Variants in MTMR3 observed in about 807,000 individuals in gnomAD.
The protein encoded by MTMR3 is phosphatidylinositol-3,5-bisphosphate 3-phosphatase MTMR3.
In MTMR3, 32 loss-of-function variants were observed where a neutral mutation model predicts 132.4. That is an observed-to-expected ratio of 0.24 (90% CI 0.18 to 0.32). MTMR3 has a LOEUF of 0.32. Ranked by LOEUF, MTMR3 falls within the 10% of genes least tolerant of loss-of-function variation. MTMR3 has a pLI of 1.00. For missense variants in MTMR3, 1,216 were observed against 1,489.6 expected (o/e 0.82, Z 3.02); for synonymous variants, 556 against 550.3 (o/e 1.01, Z -0.14).
rs1263608270 is a variant in MTMR3, at chr22:30,029,303, A to G, written c.*3502A>G. The G allele has an allele frequency of 6.6e-6, 1 of 152,346 alleles. No individual in the cohort carries two copies. 9.4% of individuals were successfully genotyped at this position (152,346 alleles called of 1,614,324 possible). A position where few individuals can be genotyped will look rare whatever the true frequency, so the allele number is the denominator to read the frequency against. ...CTTTCTTCTATACCTTGGCCTCTGTAACTGCAGTCCAAAACAAGTTACAGC... is the reference window on the plus strand; with the variant it reads ...CTTTCTTCTATACCTTGGCCTCTGTGACTGCAGTCCAAAACAAGTTACAGC... On this transcript the variant is annotated 3_prime_UTR_variant, in exon 20 of 20. Transcript: ENST00000401950.
At chr22:29,950,291 CTT>C (rs2066049210) in intron 1 of MTMR3, among the ~76,000 whole-genome samples, 1 of 151,896 alleles carries the variant, frequency 6.6e-6, no homozygotes, top group Admixed American at 6.6e-5. Flanking sequence ...TTAAGTATGT[CTT>C]TTGTTTTCTG....
intron 1 of MTMR3, among the ~76,000 whole-genome samples, chr22:29,933,121 A>G (rs540904215): frequency 6.6e-6 from 1 of 152,048 alleles, no homozygotes; most frequent in Non-Finnish European, 1.5e-5. Flanking sequence ...GGTGCGTGCC[A>G]CCAGGTCTGG....
Position 30,020,639 on chromosome 22 carries a change from C to CTTGCACCACAAG in MTMR3, c.2981_2982insTGCACCACAAGT (p.Leu994_His995insAlaProGlnVal). Reference sequence around the variant, plus strand: ...CTCAAGGAACTTGCACCACAAGTGGCTGCATAGCCACTCAGGAAGGCCATC... The same window carrying CTTGCACCACAAG: ...CTCAAGGAACTTGCACCACAAGTGGCTTGCACCACAAGTGCATAGCCACTCAGGAAGGCCATC... On this transcript the variant is annotated inframe_insertion, in exon 17 of 20. Transcript: ENST00000401950. The CTTGCACCACAAG allele has an allele frequency of 6.2e-7, 1 of 1,614,212 alleles. No individual in the cohort carries two copies. Among genetic ancestry groups the CTTGCACCACAAG allele is most frequent in the Non-Finnish European group, 8.5e-7 (1 of 1,180,038 alleles).
At chr22:29,930,290 A>G (rs998019600) in intron 1 of MTMR3, among the ~76,000 whole-genome samples, 1 of 152,214 alleles carries the variant, frequency 6.6e-6, no homozygotes, top group Non-Finnish European at 1.5e-5. Context: ...TCTACTGCTC[A>G]GTGAACCACT....
At position 30,019,513 on chromosome 22, in the gene MTMR3, C is replaced by G. The variant is rs1024640240; in HGVS notation, c.1854C>G (p.Thr618=). 6.2e-6 allele frequency: 10 copies of G among 1,609,504 alleles called. No individual in the cohort carries two copies. The highest frequency in any genetic ancestry group is 8.5e-6 in the Non-Finnish European group (10 of 1,179,924). ...LPKTRSYDNL[T]TACDNTVPLA... ...AGACTAGATCATACGACAATCTGAC[C>G]ACAGCCTGTGACAACACAGTGCCTC... Residue 618 remains threonine (T), a synonymous_variant, in exon 17 of 20, where the codon ACC becomes ACG. Transcript: ENST00000401950.
At chr22:30,016,353 C>A in intron 14 of MTMR3, 175 bp from the exon 15 acceptor site, 1 of 622,810 alleles carries the variant, frequency 1.6e-6, no homozygotes, top group East Asian at 2.9e-5. Flanking sequence ...TTGTTGGGTC[C>A]TGGAATTGGT....
chr22:29,914,323 A>G (rs1300444973), intron 1 of MTMR3, among the ~76,000 whole-genome samples: 1 of 152,124 alleles, frequency 6.6e-6, no homozygotes, highest in Non-Finnish European at 1.5e-5. Context: ...ATACATCATC[A>G]TGGTTTTAGT....
chr22:30,021,300 T>C, intron 17 of MTMR3: 1 of 187,374 alleles, frequency 5.3e-6, no homozygotes, highest in Non-Finnish European at 1.1e-5. Flanking sequence ...AGACGTGGGC[T>C]ATGGCTTTGA....
intron 17 of MTMR3, 72 bp downstream of exon 17, chr22:30,020,956 C>G: frequency 7.1e-7 from 1 of 1,398,656 alleles, no homozygotes; most frequent in Non-Finnish European, 9.7e-7. Flanking sequence ...CCCTTTGTGC[C>G]CAGTGCATGG....
At chr22:29,964,505 A>G (rs933242692) in intron 2 of MTMR3, among the ~76,000 whole-genome samples, 1 of 152,110 alleles carries the variant, frequency 6.6e-6, no homozygotes, top group Non-Finnish European at 1.5e-5. Flanking sequence ...CTTTTCTCAG[A>G]TACTTAAAGC....
chr22:29,888,768 CTTTTTT>C (rs3049983), intron 1 of MTMR3, among the ~76,000 whole-genome samples: 15 of 101,870 alleles, frequency 1.5e-4, no homozygotes, highest in South Asian at 3.6e-4. Context: ...TTAGTTAATA[CTTTTTT>C]TTTTTTTTTT....
chr22:30,011,682 A>G (rs2067430359), intron 12 of MTMR3: 1 of 152,324 alleles, frequency 6.6e-6, no homozygotes, highest in African/African-American at 2.4e-5. Context: ...CTTTCAAAAA[A>G]AGGTTCTTCC....
rs73883344 is a variant in MTMR3 at position 29,957,105 on chromosome 22, C to G, written c.-85+17C>G. 0.078 allele frequency: 11,793 copies of G among 151,990 alleles called. 532 individuals are homozygous for G. Among genetic ancestry groups the G allele is most frequent in the African/African-American group, 0.093 (3,829 of 41,382 alleles). The allele number at this position is 151,990 out of a possible 1,614,324, so 9.4% of individuals were successfully genotyped here. ...CTTCATTTGGTAAGTTTGTTTCTCC[C>G]CTCCTGCCACCCCCGCCCCCCTCCA... On this transcript the variant is annotated intron_variant, in intron 2 of 19. Coordinates refer to ENST00000401950, the MANE Select transcript of MTMR3 (RefSeq NM_021090.4).
At chr22:29,916,080 A>G (rs1430635334) in intron 1 of MTMR3, among the ~76,000 whole-genome samples, 1 of 152,112 alleles carries the variant, frequency 6.6e-6, no homozygotes, top group Non-Finnish European at 1.5e-5. Context: ...ACTTTTGGAT[A>G]TGTTAGAAAA....
intron 1 of MTMR3, among the ~76,000 whole-genome samples, chr22:29,948,191 CA>C (rs1189295933): frequency 1.3e-5 from 2 of 152,178 alleles, no homozygotes; most frequent in Non-Finnish European, 2.9e-5. Flanking sequence ...ATTGTGATGA[CA>C]GCAGTTAAAA....
At chr22:29,933,715 C>A (rs2065690072) in intron 1 of MTMR3, among the ~76,000 whole-genome samples, 1 of 151,302 alleles carries the variant, frequency 6.6e-6, no homozygotes, top group Admixed American at 6.6e-5. Flanking sequence ...TAGTGTAAAC[C>A]CAACAGAGCA....
Position 30,028,223 on chromosome 22 carries a change from C to G in MTMR3, c.*2422C>G, listed in dbSNP as rs945051959. On this transcript the variant is annotated 3_prime_UTR_variant, in exon 20 of 20. Coordinates refer to ENST00000401950, the MANE Select transcript of MTMR3 (RefSeq NM_021090.4). The stretch of plus-strand genomic sequence containing the variant: ...TGCTCTGATTTCAGGGCAGCCAGTA[C>G]TCTGGCCCCTTCAGTCGGGGAGTGG... The G allele has an allele frequency of 6.6e-6, 1 of 152,438 alleles. No homozygotes were observed. The highest frequency in any genetic ancestry group is 6.5e-5 in the Admixed American group (1 of 15,282). The allele number at this position is 152,438 out of a possible 1,614,324, so 9.4% of individuals were successfully genotyped here.
At chr22:30,006,374 C>G (rs1182123305) in intron 9 of MTMR3, 1 of 152,174 alleles carries the variant, frequency 6.6e-6, no homozygotes, top group Non-Finnish European at 1.5e-5. Flanking sequence ...CATGAAATCT[C>G]AGGAGATTTT....
chr22:29,890,489 GC>G (rs1235121059), intron 1 of MTMR3, among the ~76,000 whole-genome samples: 1 of 151,954 alleles, frequency 6.6e-6, no homozygotes, highest in Non-Finnish European at 1.5e-5. Flanking sequence ...CTGCACTCTA[GC>G]CTGGGCCACA....
Sources: gnomAD v4.1 joint callset for allele counts (sites outside exome capture counted in the v4.1 genomes callset) on GRCh38, gnomAD v4.1.1 for gene constraint, MANE v1.5 for transcripts, NCBI Gene and HGNC (gene_info 2026-07-23, HGNC 2026-07-21) for gene names.